ALK: variants seen among roughly 807,000 people sequenced by gnomAD.
The protein encoded by ALK is ALK receptor tyrosine kinase.
Under a neutral mutation model 163.1 loss-of-function variants are expected in ALK, and 74 were observed. That is an observed-to-expected ratio of 0.45 (90% CI 0.38 to 0.55). The LOEUF is 0.55. Among genes scored for constraint, ALK ranks in the 20% least tolerant of loss-of-function variants. ALK has a pLI of 0.00. For synonymous variants in ALK, 960 were observed against 843.2 expected (o/e 1.14, Z -2.40); for missense variants, 2,063 against 2,105.3 (o/e 0.98, Z 0.39).
At chr2:29,603,823 C>T (rs1675444540) in intron 3 of ALK, among the ~76,000 whole-genome samples, 1 of 152,128 alleles carries the variant, frequency 6.6e-6, no homozygotes, top group Non-Finnish European at 1.5e-5. Flanking sequence ...CCCCCTATGC[C>T]TGGGATACTT....
intron 4 of ALK, among the ~76,000 whole-genome samples, chr2:29,428,085 A>G (rs1414641648): frequency 1.3e-5 from 2 of 152,060 alleles, no homozygotes; most frequent in Non-Finnish European, 2.9e-5. Context: ...ATAAATGAAA[A>G]CAAAGATGCA....
intron 11 of ALK, among the ~76,000 whole-genome samples, chr2:29,271,354 T>C (rs554190107): frequency 2.4e-4 from 36 of 152,370 alleles, no homozygotes; most frequent in African/African-American, 8.7e-4. Context: ...TATAAAACTT[T>C]CTCATTGGAA....
At chr2:29,355,607 T>C (rs919166576) in intron 5 of ALK, among the ~76,000 whole-genome samples, 7 of 152,216 alleles carry the variant, frequency 4.6e-5, no homozygotes, top group African/African-American at 1.2e-4. Flanking sequence ...AGTAACTGAA[T>C]GGCTGCACTG....
rs1464602343 is a variant in ALK, at chr2:29,869,055, C to T, written c.667+50938G>A. ...AGAGTTTGAAACGTCTTTCACCCAT[C>T]CCCCAGCCATTAAGTCACCCCCAGC... On this transcript the variant is annotated intron_variant, in intron 1 of 28. Transcript: ENST00000389048. Among the ~76,000 whole-genome samples, 12 of 152,284 alleles carry T rather than the reference C, an allele frequency of 7.9e-5. No individual in the cohort carries two copies. In the East Asian group the frequency reaches 2.3e-3, roughly 29 times the overall value.
chr2:29,530,681 G>A (rs896443813), intron 4 of ALK, among the ~76,000 whole-genome samples: 9 of 152,214 alleles, frequency 5.9e-5, no homozygotes, highest in Non-Finnish European at 8.8e-5. Flanking sequence ...AAGAGAAGCC[G>A]TGCTGGAGGG....
chr2:29,733,532 T>C (rs1679805354), intron 1 of ALK, among the ~76,000 whole-genome samples: 1 of 152,232 alleles, frequency 6.6e-6, no homozygotes, highest in Non-Finnish European at 1.5e-5. Context: ...TTTCCTGTTC[T>C]GTGACATGGG....
At chr2:29,880,745 GA>G (rs1452689318) in intron 1 of ALK, among the ~76,000 whole-genome samples, 1 of 152,202 alleles carries the variant, frequency 6.6e-6, no homozygotes, top group East Asian at 1.9e-4. Context: ...AAGTGAGCCT[GA>G]AAAATTGCTT....
In ALK at chr2:29,733,957, GC is replaced by G. The variant is rs1242970260; in HGVS notation, c.668-16261del. Among the ~76,000 whole-genome samples the G allele has an allele frequency of 2.0e-5, 3 of 152,272 alleles. No individual in the cohort carries two copies. The East Asian group carries it at 5.8e-4, about 29-fold the overall frequency. ...ACCACCACTGATCAACATCAGAGGG[GC>G]CAACAGTAGATGGCCTGAACTTGGA... On this transcript the variant is annotated intron_variant, in intron 1 of 28. Coordinates refer to ENST00000389048, the MANE Select transcript of ALK (RefSeq NM_004304.5).
chr2:29,894,022 T>C (rs1364344584), intron 1 of ALK, among the ~76,000 whole-genome samples: 1 of 152,196 alleles, frequency 6.6e-6, no homozygotes, highest in Non-Finnish European at 1.5e-5. Flanking sequence ...TAACTGGTGA[T>C]ACGAATGAAG....
intron 1 of ALK, among the ~76,000 whole-genome samples, chr2:29,829,032 G>A (rs2148384835): frequency 6.6e-6 from 1 of 151,770 alleles, no homozygotes; most frequent in African/African-American, 2.4e-5. Flanking sequence ...GGATGAAGCT[G>A]GAAACCATCA....
intron 9 of ALK, among the ~76,000 whole-genome samples, chr2:29,278,359 A>C (rs968954444): frequency 1.3e-4 from 20 of 152,232 alleles, no homozygotes; most frequent in Non-Finnish European, 2.8e-4. Context: ...GGTTTCTAAC[A>C]GGACAGTGGC....
chr2:29,650,368 A>G (rs1300359682), intron 3 of ALK, among the ~76,000 whole-genome samples: 1 of 152,220 alleles, frequency 6.6e-6, no homozygotes, highest in East Asian at 1.9e-4. Context: ...AGGATTTGAA[A>G]GCCAAGAAAT....
intron 4 of ALK, among the ~76,000 whole-genome samples, chr2:29,511,658 G>A (rs1028350233): frequency 2.0e-5 from 3 of 152,258 alleles, no homozygotes; most frequent in Non-Finnish European, 4.4e-5. Flanking sequence ...TGTCCAGACA[G>A]GGAGTAGAAT....
chr2:29,579,025 A>G (rs572685986), intron 3 of ALK, among the ~76,000 whole-genome samples: 12 of 152,212 alleles, frequency 7.9e-5, no homozygotes, highest in Non-Finnish European at 1.5e-4. Context: ...ACTCTTGAAG[A>G]AGTACTAGCT....
intron 3 of ALK, among the ~76,000 whole-genome samples, chr2:29,540,250 T>C (rs3634): frequency 0.12 from 18,072 of 152,176 alleles, 1,413 homozygotes; most frequent in Non-Finnish European, 0.18. Context: ...GATGTCACTT[T>C]CTGACAGGCC....
chr2:29,235,982 A>G (rs1261204510), intron 13 of ALK, among the ~76,000 whole-genome samples: 1 of 146,722 alleles, frequency 6.8e-6, no homozygotes, highest in Non-Finnish European at 1.5e-5. Flanking sequence ...AGCTGGGAGT[A>G]CAGGTACGAA....
chr2:29,841,842 T>A (rs1207063831), intron 1 of ALK, among the ~76,000 whole-genome samples: 1 of 152,216 alleles, frequency 6.6e-6, no homozygotes, highest in Admixed American at 6.5e-5. Flanking sequence ...CCCTTCTTCA[T>A]GGAAAACTTA....
chr2:29,894,161 T>G (rs570636420), intron 1 of ALK, among the ~76,000 whole-genome samples: 1 of 152,206 alleles, frequency 6.6e-6, no homozygotes, highest in Non-Finnish European at 1.5e-5. Flanking sequence ...AGAACTTGGC[T>G]GTCCTCATCT....
At chr2:29,301,292 C>T (rs2148234786) in intron 8 of ALK, among the ~76,000 whole-genome samples, 1 of 152,104 alleles carries the variant, frequency 6.6e-6, no homozygotes, top group East Asian at 1.9e-4. Flanking sequence ...TCTCAGAAAC[C>T]ACTTCCTCCT....
Sources: gnomAD v4.1 joint callset for allele counts (sites outside exome capture counted in the v4.1 genomes callset) on GRCh38, gnomAD v4.1.1 for gene constraint, MANE v1.5 for transcripts, NCBI Gene and HGNC (gene_info 2026-07-23, HGNC 2026-07-21) for gene names.